The following ZEB1 variants were observed in gnomAD, a reference collection of about 807,000 sequenced individuals.
ZEB1 encodes the protein zinc finger E-box-binding homeobox 1.
Under a neutral mutation model 84.9 loss-of-function variants are expected in ZEB1, and 21 were observed. The observed-to-expected ratio is 0.25, with a 90% CI of 0.18 to 0.36. ZEB1 has a LOEUF of 0.36. Ranked by LOEUF, ZEB1 falls within the 10% of genes least tolerant of loss-of-function variation. ZEB1 has a pLI of 1.00. For synonymous variants in ZEB1, 420 were observed against 471.1 expected, an observed-to-expected ratio of 0.89 and a Z score of 1.41; for missense variants, 1,104 against 1,330.2, an observed-to-expected ratio of 0.83 and a Z score of 2.65.
intron 1 of ZEB1, among the ~76,000 whole-genome samples, chr10:31,446,455 C>T (rs1054829821): frequency 4.0e-5 from 6 of 150,854 alleles, no homozygotes; most frequent in African/African-American, 1.5e-4. Context: ...CTTCTGCTAG[C>T]TTTTGAATGT....
chr10:31,363,483 C>A, intron 1 of ZEB1: 1 of 1,531,512 alleles, frequency 6.5e-7, no homozygotes, highest in South Asian at 1.2e-5. Flanking sequence ...TCTCCAGGGG[C>A]CTAGAGGTGG....
chr10:31,432,906 C>A (rs1204261731), intron 1 of ZEB1, among the ~76,000 whole-genome samples: 1 of 152,034 alleles, frequency 6.6e-6, no homozygotes, highest in Non-Finnish European at 1.5e-5. Context: ...TAATAGAAGG[C>A]AGTTGAATTC....
At chr10:31,502,620 T>G (rs1434320445) in intron 4 of ZEB1, 111 bp downstream of exon 4, 31 of 1,334,438 alleles carry the variant, frequency 2.3e-5, no homozygotes, top group Non-Finnish European at 3.1e-5. Context: ...AAGACCAAAC[T>G]TTATTACAGG....
In ZEB1 at chr10:31,528,392, C is replaced by T. The variant is rs2073819083; in HGVS notation, c.*1128C>T. The T allele has an allele frequency of 6.6e-6, 1 of 152,088 alleles. No individual in the cohort carries two copies. Among genetic ancestry groups the T allele is most frequent in the South Asian group, 2.1e-4 (1 of 4,834 alleles). The allele number at this position is 152,088 out of a possible 1,614,324, so 9.4% of individuals were successfully genotyped here. ...AGGGAAATTTTCTAATCTGCTTTATCCATGTACTTGCATTTCAGACATGGA... is the reference window on the plus strand; with the variant it reads ...AGGGAAATTTTCTAATCTGCTTTATTCATGTACTTGCATTTCAGACATGGA... On this transcript the variant is annotated 3_prime_UTR_variant, in exon 9 of 9. Coordinates refer to ENST00000424869, the MANE Select transcript of ZEB1 (RefSeq NM_001174096.2).
chr10:31,524,537 T>C (rs1272431766), intron 8 of ZEB1, among the ~76,000 whole-genome samples: 1 of 152,154 alleles, frequency 6.6e-6, no homozygotes, highest in Non-Finnish European at 1.5e-5. Flanking sequence ...TTTTTACTTA[T>C]CTGATCTGGC....
intron 6 of ZEB1, among the ~76,000 whole-genome samples, chr10:31,518,478 T>C (rs1331288971): frequency 6.6e-6 from 1 of 152,174 alleles, no homozygotes; most frequent in Non-Finnish European, 1.5e-5. Flanking sequence ...GCTATTTTTT[T>C]GGCTCAAACT....
chr10:31,414,315 A>G (rs1271400182), intron 1 of ZEB1, among the ~76,000 whole-genome samples: 2 of 152,164 alleles, frequency 1.3e-5, no homozygotes, highest in Non-Finnish European at 2.9e-5. Context: ...AATTTAATGA[A>G]AAAAATTAAA....
intron 3 of ZEB1, among the ~76,000 whole-genome samples, chr10:31,499,234 T>G (rs779883453): frequency 2.6e-5 from 4 of 152,232 alleles, no homozygotes; most frequent in Non-Finnish European, 5.9e-5. Flanking sequence ...ATCAAAGGAC[T>G]AATGATACCT....
intron 2 of ZEB1, among the ~76,000 whole-genome samples, chr10:31,490,973 C>T (rs978598371): frequency 1.3e-5 from 2 of 151,742 alleles, no homozygotes; most frequent in African/African-American, 4.8e-5. Flanking sequence ...ATCTGTCCTT[C>T]ATGTACCACC....
At chr10:31,431,283 C>T (rs2057676506) in intron 1 of ZEB1, among the ~76,000 whole-genome samples, 1 of 152,168 alleles carries the variant, frequency 6.6e-6, no homozygotes, top group Non-Finnish European at 1.5e-5. Context: ...TAAATGTGGC[C>T]TTGCCTGCCA....
intron 1 of ZEB1, among the ~76,000 whole-genome samples, chr10:31,353,204 A>G (rs1360386014): frequency 6.6e-6 from 1 of 152,198 alleles, no homozygotes; most frequent in Non-Finnish European, 1.5e-5. Flanking sequence ...CATTACTCCC[A>G]TCCTGTTTCT....
intron 2 of ZEB1, among the ~76,000 whole-genome samples, chr10:31,466,129 A>G (rs2062392151): frequency 6.6e-6 from 1 of 152,238 alleles, no homozygotes; most frequent in Non-Finnish European, 1.5e-5. Context: ...AAATATGTAA[A>G]GAAAAAATAT....
chr10:31,357,971 C>T (rs781056652), intron 1 of ZEB1, among the ~76,000 whole-genome samples: 1 of 151,994 alleles, frequency 6.6e-6, no homozygotes. Context: ...CTTCTCTTGG[C>T]GTTCTCATGG....
intron 1 of ZEB1, among the ~76,000 whole-genome samples, chr10:31,440,111 T>G (rs557708732): frequency 2.0e-5 from 3 of 152,104 alleles, no homozygotes; most frequent in African/African-American, 7.2e-5. Context: ...GGTATTTCCT[T>G]CCAGAGTAGA....
At chr10:31,494,201 G>A (rs1327910792) in intron 2 of ZEB1, among the ~76,000 whole-genome samples, 1 of 151,898 alleles carries the variant, frequency 6.6e-6, no homozygotes, top group African/African-American at 2.4e-5. Flanking sequence ...GGTGCTAGAG[G>A]TTTGCAGACA....
intron 2 of ZEB1, among the ~76,000 whole-genome samples, chr10:31,475,149 A>G (rs1418530526): frequency 6.6e-6 from 1 of 152,088 alleles, no homozygotes; most frequent in Non-Finnish European, 1.5e-5. Flanking sequence ...AGCGTGGCAC[A>G]TGTATACATA....
chr10:31,461,004 G>T (rs1205727920), intron 1 of ZEB1, 33 bp from the exon 2 acceptor site: 16 of 1,567,038 alleles, frequency 1.0e-5, no homozygotes, highest in Non-Finnish European at 1.4e-5. Context: ...TTACTAGTTG[G>T]TTTTGATTAT....
chr10:31,484,584 C>T (rs992662887), intron 2 of ZEB1, among the ~76,000 whole-genome samples: 5 of 151,934 alleles, frequency 3.3e-5, no homozygotes, highest in African/African-American at 4.8e-5. Flanking sequence ...CATTAACTTC[C>T]GTACTATCAT....
intron 1 of ZEB1, among the ~76,000 whole-genome samples, chr10:31,414,410 GT>G (rs1255666686): frequency 1.3e-5 from 2 of 152,188 alleles, no homozygotes; most frequent in African/African-American, 4.8e-5. Flanking sequence ...GAAATTGATT[GT>G]CAGGTGTTTT....
Sources: gnomAD v4.1 joint callset for allele counts (sites outside exome capture counted in the v4.1 genomes callset) on GRCh38, gnomAD v4.1.1 for gene constraint, MANE v1.5 for transcripts, NCBI Gene and HGNC (gene_info 2026-07-23, HGNC 2026-07-21) for gene names.